The following IMMT variants were observed in gnomAD, a reference collection of about 807,000 sequenced individuals.
IMMT encodes MICOS complex subunit MIC60.
A neutral mutation model predicts 92.7 loss-of-function variants in IMMT; 40 were observed. That is an observed-to-expected ratio of 0.43 (90% CI 0.34 to 0.56). The LOEUF (loss-of-function observed/expected upper bound fraction) is 0.56. IMMT is among the 20% of genes least tolerant of loss of function. The probability of loss-of-function intolerance (pLI) is 0.03; values close to 1 mark genes in which losing one functional copy is unlikely to be tolerated. For synonymous variants in IMMT, 322 were observed against 336.1 expected (o/e 0.96, Z 0.46); for missense variants, 831 against 912.1 (o/e 0.91, Z 1.14).
chr2:86,166,409 G>A (rs1311018830), intron 7 of IMMT, 99 bp downstream of exon 7: 8 of 1,003,212 alleles, frequency 8.0e-6, no homozygotes, highest in Non-Finnish European at 8.7e-6. Context: ...ACGGAAGAAA[G>A]CAGTCTGTTA....
chr2:86,181,289 T>C lies in IMMT; in HGVS notation c.119+10A>G. On this transcript the variant is annotated intron_variant, in intron 2 of 14. Transcript: ENST00000410111. Reference sequence around the variant, plus strand: ...TGAAAAGCCTGGTTATAGGGAGACATAATACATACCCAGAGCTGCCTGAAG... The same window carrying C: ...TGAAAAGCCTGGTTATAGGGAGACACAATACATACCCAGAGCTGCCTGAAG... 2 of 1,606,726 alleles carry C rather than the reference T, an allele frequency of 1.2e-6. No individual in the cohort carries two copies. Among genetic ancestry groups the C allele is most frequent in the Non-Finnish European group, 1.7e-6 (2 of 1,173,352 alleles).
chr2:86,172,937 T>A (rs913757264), intron 4 of IMMT, among the ~76,000 whole-genome samples: 1 of 152,160 alleles, frequency 6.6e-6, no homozygotes, highest in Non-Finnish European at 1.5e-5. Flanking sequence ...ATGTCTGACA[T>A]CCTATACGTT....
chr2:86,176,738 G>A (rs1224547514), intron 3 of IMMT, among the ~76,000 whole-genome samples: 1 of 152,180 alleles, frequency 6.6e-6, no homozygotes, highest in East Asian at 1.9e-4. Flanking sequence ...GAGAGGCCAA[G>A]GCTATTTGGA....
At chr2:86,173,101 A>G (rs982499420) in intron 4 of IMMT, among the ~76,000 whole-genome samples, 1 of 152,242 alleles carries the variant, frequency 6.6e-6, no homozygotes, top group African/African-American at 2.4e-5. Flanking sequence ...AAGTCAGGTG[A>G]TTTAATCAAG....
At position 86,170,737 on chromosome 2, in the gene IMMT, T is replaced by C. The variant is rs1327340876; in HGVS notation, c.655+12A>G. 1 of 1,549,914 alleles carries C rather than the reference T, an allele frequency of 6.5e-7. No individual in the cohort carries two copies. Among genetic ancestry groups the C allele is most frequent in the Admixed American group, 1.9e-5 (1 of 52,050 alleles). On this transcript the variant is annotated intron_variant, in intron 6 of 14. Transcript: ENST00000410111. ...GACCCAAAATCCTTAAGAAGCTGTC[T>C]GGTTTACATACACTCAATTTTAACT...
intron 2 of IMMT, 62 bp from the exon 3 acceptor site, chr2:86,179,684 T>C (rs888861145): frequency 8.1e-5 from 112 of 1,374,956 alleles, no homozygotes; most frequent in Non-Finnish European, 1.0e-4. Context: ...TATTTTCCTA[T>C]ACCAATGTAA....
chr2:86,168,305 A>G (rs1558826817), intron 6 of IMMT, among the ~76,000 whole-genome samples: 2 of 152,236 alleles, frequency 1.3e-5, no homozygotes, highest in Non-Finnish European at 2.9e-5. Flanking sequence ...CATTTGAAGA[A>G]AGGCGGCTAG....
chr2:86,190,759 G>A (rs1673064522), intron 1 of IMMT, among the ~76,000 whole-genome samples: 1 of 152,214 alleles, frequency 6.6e-6, no homozygotes, highest in Non-Finnish European at 1.5e-5. Flanking sequence ...GGAGCCCAAG[G>A]CGGGCAGATC....
At chr2:86,181,223 C>T in intron 2 of IMMT, 76 bp downstream of exon 2, 1 of 1,088,568 alleles carries the variant, frequency 9.2e-7, no homozygotes. Context: ...ACAGCTATTC[C>T]CATATTCAAG....
chr2:86,183,506 C>T (rs1672561824), intron 1 of IMMT, among the ~76,000 whole-genome samples: 2 of 152,050 alleles, frequency 1.3e-5, no homozygotes, highest in South Asian at 2.1e-4. Flanking sequence ...CTCCATCCTC[C>T]CTTTGACAGA....
At position 86,144,162 on chromosome 2, in the gene IMMT, C is replaced by A. The variant is rs1674809742; in HGVS notation, c.*106G>T. ...TAACATTTAGAACAGTACTTGTAAACCTGCTCATTTCTAGACAAGTCCGGG... is the reference window on the plus strand; with the variant it reads ...TAACATTTAGAACAGTACTTGTAAAACTGCTCATTTCTAGACAAGTCCGGG... On this transcript the variant is annotated 3_prime_UTR_variant, in exon 15 of 15. Coordinates refer to ENST00000410111, the MANE Select transcript of IMMT (RefSeq NM_006839.3). 3.2e-6 allele frequency: 4 copies of A among 1,236,734 alleles called. No individual in the cohort carries two copies. The highest frequency in any genetic ancestry group is 1.9e-4 in the Middle Eastern group (1 of 5,204). 76.6% of individuals were successfully genotyped at this position (1,236,734 alleles called of 1,614,324 possible). A position where few individuals can be genotyped will look rare whatever the true frequency, so the allele number is the denominator to read the frequency against.
At chr2:86,151,080 C>T (rs1045701850) in intron 12 of IMMT, among the ~76,000 whole-genome samples, 1 of 152,102 alleles carries the variant, frequency 6.6e-6, no homozygotes, top group Non-Finnish European at 1.5e-5. Flanking sequence ...CCACACCCAG[C>T]TAATTTTTGT....
Position 86,159,788 on chromosome 2 carries a change from C to G in IMMT, c.897-117G>C, listed in dbSNP as rs375131412. 1.9e-5 allele frequency: 16 copies of G among 834,482 alleles called. No homozygotes were observed. The African/African-American group carries it at 2.8e-4, about 15-fold the overall frequency. 51.7% of individuals were successfully genotyped at this position (834,482 alleles called of 1,614,324 possible). A position where few individuals can be genotyped will look rare whatever the true frequency, so the allele number is the denominator to read the frequency against. On this transcript the variant is annotated intron_variant, in intron 8 of 14. Coordinates refer to ENST00000410111, the MANE Select transcript of IMMT (RefSeq NM_006839.3). ...CTATGAAACAGGCTGGGAGCAGTGG[C>G]TGATACCTGTAATCCCAGCACTTTG...
intron 7 of IMMT, among the ~76,000 whole-genome samples, chr2:86,165,670 G>T (rs1194833167): frequency 6.6e-6 from 1 of 152,060 alleles, no homozygotes; most frequent in Non-Finnish European, 1.5e-5. Flanking sequence ...ATAACTTAAT[G>T]TAATTATAAA....
intron 7 of IMMT, among the ~76,000 whole-genome samples, chr2:86,164,991 A>C (rs538885434): frequency 2.0e-4 from 30 of 152,358 alleles, no homozygotes; most frequent in Admixed American, 1.1e-3. Context: ...TAGAAAAAAC[A>C]AAAGCTGGAA....
intron 3 of IMMT, among the ~76,000 whole-genome samples, chr2:86,175,960 T>C (rs1677401706): frequency 6.6e-6 from 1 of 152,194 alleles, no homozygotes; most frequent in Non-Finnish European, 1.5e-5. Flanking sequence ...ATAATAATCA[T>C]TTGATTAACA....
intron 3 of IMMT, among the ~76,000 whole-genome samples, chr2:86,177,523 C>A (rs1677510706): frequency 6.6e-6 from 1 of 151,926 alleles, no homozygotes; most frequent in African/African-American, 2.4e-5. Context: ...ATTGCCAGAA[C>A]CCAGGAGGCA....
chr2:86,151,216 C>A, intron 12 of IMMT, 81 bp downstream of exon 12: 2 of 1,228,894 alleles, frequency 1.6e-6, no homozygotes, highest in Non-Finnish European at 2.3e-6. Flanking sequence ...CTGCACCCGG[C>A]TGAGCCAGTA....
At chr2:86,157,908 G>A (rs976492491) in intron 10 of IMMT, among the ~76,000 whole-genome samples, 9 of 151,958 alleles carry the variant, frequency 5.9e-5, no homozygotes, top group African/African-American at 2.2e-4. Flanking sequence ...AACCCGGGAG[G>A]TGGAGGACTA....
Sources: allele counts gnomAD v4.1 joint callset (sites outside exome capture counted in the v4.1 genomes callset), GRCh38; gene constraint gnomAD v4.1.1; transcripts MANE v1.5; gene names NCBI Gene and HGNC (gene_info 2026-07-23, HGNC 2026-07-21).